Variants in TSC22D3 observed in about 807,000 individuals in gnomAD.
TSC22D3 encodes TSC22 domain family protein 3.
TSC22D3 carries 4 observed loss-of-function variants against 11.1 expected under a neutral mutation model. The observed-to-expected ratio is 0.36, with a 90% CI of 0.18 to 0.83. TSC22D3 has a LOEUF of 0.83. Ranked by LOEUF, TSC22D3 falls within the 40% of genes least tolerant of loss-of-function variation. TSC22D3 has a pLI of 0.48. For synonymous variants in TSC22D3, 77 were observed against 70.3 expected (o/e 1.10, Z -0.48); for missense variants, 118 against 159.4 (o/e 0.74, Z 1.40).
At chrX:107,722,088 T>C in intron 1 of TSC22D3, 1 of 331,017 alleles carries the variant, frequency 3.0e-6, no homozygotes, top group Non-Finnish European at 5.3e-6. Flanking sequence ...AGAAAGTGCC[T>C]TGTTCTCTGT....
At chrX:107,734,062 C>A (rs1050094652) in intron 1 of TSC22D3, among the ~76,000 whole-genome samples, 6 of 112,207 alleles carry the variant, frequency 5.3e-5, no homozygotes, top group Non-Finnish European at 1.1e-4. Flanking sequence ...CACCACCTTT[C>A]CCCCAGGGAT....
intron 1 of TSC22D3, among the ~76,000 whole-genome samples, chrX:107,739,484 A>G (rs1030598779): frequency 2.7e-5 from 3 of 112,361 alleles, no homozygotes; most frequent in Non-Finnish European, 5.6e-5. Context: ...CCTTCCAGAT[A>G]TACTCAAGGT....
chrX:107,766,350 G>A (rs1248767718), intron 1 of TSC22D3, among the ~76,000 whole-genome samples: 1 of 111,142 alleles, frequency 9.0e-6, no homozygotes, highest in East Asian at 2.8e-4. Flanking sequence ...GAGACTTCAT[G>A]GAGCGTGGAC....
Position 107,714,412 on chromosome X carries a change from G to T in TSC22D3, c.*107C>A. 1 of 708,558 alleles carries T rather than the reference G, an allele frequency of 1.4e-6. No homozygotes were observed. The highest frequency in any genetic ancestry group is 2.1e-6 in the Non-Finnish European group (1 of 487,774). 58.4% of individuals were successfully genotyped at this position (708,558 alleles called of 1,213,427 possible). On this transcript the variant is annotated 3_prime_UTR_variant, in exon 3 of 3. Transcript: ENST00000372383. Reference sequence around the variant, plus strand: ...ACATCTCTTGGCACCAGCTGTGCTAGGTGTAAAGTTCTCCTCGTGAGATGA... The same window carrying T: ...ACATCTCTTGGCACCAGCTGTGCTATGTGTAAAGTTCTCCTCGTGAGATGA...
At chrX:107,729,598 T>G (rs1927793568) in intron 1 of TSC22D3, among the ~76,000 whole-genome samples, 1 of 111,948 alleles carries the variant, frequency 8.9e-6, no homozygotes, top group African/African-American at 3.3e-5. Flanking sequence ...GCCCTGGAGC[T>G]CCCTCTAGTT....
chrX:107,742,310 AGAGAGAGAGT>A (rs1258653670), intron 1 of TSC22D3, among the ~76,000 whole-genome samples: 1,583 of 76,082 alleles, frequency 0.021, 64 homozygotes, highest in African/African-American at 0.082. Flanking sequence ...AGAGAGAGAG[AGAGAGAGAGT>A]GTGTGTGCGC....
At chrX:107,716,274 A>T (rs1307442324) in intron 1 of TSC22D3, 1 of 911,274 alleles carries the variant, frequency 1.1e-6, no homozygotes, top group East Asian at 5.0e-5. Flanking sequence ...CGACCCGGGG[A>T]GTCCCCCACA....
At chrX:107,729,249 C>G (rs1050757055) in intron 1 of TSC22D3, among the ~76,000 whole-genome samples, 1 of 111,440 alleles carries the variant, frequency 9.0e-6, no homozygotes, top group African/African-American at 3.3e-5. Flanking sequence ...TCTACTGCCT[C>G]ATTTATACGG....
At chrX:107,768,191 C>T (rs1246122585) in intron 1 of TSC22D3, among the ~76,000 whole-genome samples, 1 of 112,016 alleles carries the variant, frequency 8.9e-6, no homozygotes, top group Non-Finnish European at 1.9e-5. Flanking sequence ...GCAGACATGG[C>T]CAAACTCATT....
chrX:107,746,380 A>C (rs1928655683), intron 1 of TSC22D3, among the ~76,000 whole-genome samples: 1 of 111,230 alleles, frequency 9.0e-6, no homozygotes, highest in Non-Finnish European at 1.9e-5. Flanking sequence ...AGACATATAC[A>C]CTCTCACTAG....
intron 1 of TSC22D3, among the ~76,000 whole-genome samples, chrX:107,734,878 T>TAAAACAAAAA (rs1928056105): frequency 2.7e-5 from 1 of 37,276 alleles, no homozygotes; most frequent in African/African-American, 1.4e-4. Flanking sequence ...CAACTCTACG[T>TAAAACAAAAA]AAAAAAAAAA....
At chrX:107,743,689 G>A (rs1227648961) in intron 1 of TSC22D3, among the ~76,000 whole-genome samples, 1 of 112,149 alleles carries the variant, frequency 8.9e-6, no homozygotes, top group Non-Finnish European at 1.9e-5. Flanking sequence ...TGTAGGGCTC[G>A]ATGTCAAGCC....
intron 1 of TSC22D3, among the ~76,000 whole-genome samples, chrX:107,736,705 T>G (rs1928150747): frequency 9.0e-6 from 1 of 110,895 alleles, no homozygotes; most frequent in Non-Finnish European, 1.9e-5. Context: ...TTATGGCCGT[T>G]CTTGCTTGAA....
At chrX:107,755,537 A>G (rs972561261) in intron 1 of TSC22D3, among the ~76,000 whole-genome samples, 8 of 112,554 alleles carry the variant, frequency 7.1e-5, no homozygotes, top group Non-Finnish European at 1.3e-4. Context: ...AGGACTAATA[A>G]TCATGTTTTG....
intron 1 of TSC22D3, 147 bp downstream of exon 1, chrX:107,774,953 A>G: frequency 1.5e-6 from 1 of 647,055 alleles, no homozygotes. Flanking sequence ...ACTCCAGGCA[A>G]CCTCAAGGTC....
At position 107,775,088 on chromosome X, in the gene TSC22D3, C is replaced by A; in HGVS notation, c.320+12G>T. 8 of 1,207,341 alleles carry A rather than the reference C, an allele frequency of 6.6e-6. No homozygotes were observed. The highest frequency in any genetic ancestry group is 9.0e-6 in the Non-Finnish European group (8 of 892,999). ...CAAGGACCGAGTTGCCGCCGTGTGCCGAGCCACCCACCTGTGGAAGAAGAG... is the reference window on the plus strand; with the variant it reads ...CAAGGACCGAGTTGCCGCCGTGTGCAGAGCCACCCACCTGTGGAAGAAGAG... On this transcript the variant is annotated intron_variant, in intron 1 of 2. Transcript: ENST00000372383.
At chrX:107,718,110 G>C (rs750968224) in intron 1 of TSC22D3, among the ~76,000 whole-genome samples, 1 of 111,782 alleles carries the variant, frequency 8.9e-6, no homozygotes, top group Non-Finnish European at 1.9e-5. Flanking sequence ...ACAAGATGAG[G>C]TGATTGTTCC....
At chrX:107,735,029 C>T (rs1255536338) in intron 1 of TSC22D3, among the ~76,000 whole-genome samples, 1 of 111,158 alleles carries the variant, frequency 9.0e-6, no homozygotes, top group Non-Finnish European at 1.9e-5. Flanking sequence ...CCCCCTTACC[C>T]GACCCTCACT....
At chrX:107,727,182 T>C (rs1178206483) in intron 1 of TSC22D3, among the ~76,000 whole-genome samples, 2 of 112,313 alleles carry the variant, frequency 1.8e-5, no homozygotes, top group Admixed American at 9.4e-5. Flanking sequence ...ACAGAGCTGA[T>C]ACTGAGCTCT....
Sources: allele counts gnomAD v4.1 joint callset (sites outside exome capture counted in the v4.1 genomes callset), GRCh38; gene constraint gnomAD v4.1.1; transcripts MANE v1.5; gene names NCBI Gene and HGNC (gene_info 2026-07-23, HGNC 2026-07-21).